NOD2: variants seen among roughly 807,000 people sequenced by gnomAD.
NOD2 encodes the protein nucleotide-binding oligomerization domain-containing protein 2.
Under a neutral mutation model 90.9 loss-of-function variants are expected in NOD2, and 86 were observed. That is an observed-to-expected ratio of 0.95 (90% CI 0.79 to 1.13). NOD2 has a LOEUF of 1.13. NOD2 is among the 50% of genes most tolerant of loss of function. The probability of loss-of-function intolerance (pLI) is 0.00; values close to 1 mark genes in which losing one functional copy is unlikely to be tolerated. For synonymous variants in NOD2, 581 were observed against 554.6 expected (o/e 1.05, Z -0.67); for missense variants, 1,238 against 1,283.8 (o/e 0.96, Z 0.55).
intron 2 of NOD2, among the ~76,000 whole-genome samples, chr16:50,702,301 T>C (rs190942390): frequency 1.8e-4 from 28 of 152,300 alleles, no homozygotes; most frequent in Admixed American, 1.6e-3. Flanking sequence ...AAAGCAAACA[T>C]TGAAGGTTGG....
chr16:50,695,008 T>C (rs756920205), intron 1 of NOD2, among the ~76,000 whole-genome samples: 1 of 151,802 alleles, frequency 6.6e-6, no homozygotes, highest in Non-Finnish European at 1.5e-5. Context: ...CATAAGGAAT[T>C]GAGGGGTGAG....
At chr16:50,719,901 A>T in intron 6 of NOD2, 24 bp from the exon 7 acceptor site, 4 of 1,609,418 alleles carry the variant, frequency 2.5e-6, no homozygotes, top group Non-Finnish European at 3.4e-6. Context: ...GTGTTCTCTC[A>T]GCCTCCTCTG....
chr16:50,697,534 T>A (rs1963713136), intron 1 of NOD2: 1 of 642,496 alleles, frequency 1.6e-6, no homozygotes, highest in African/African-American at 1.8e-5. Context: ...TTTCCACAGC[T>A]GAGAACCACT....
intron 2 of NOD2, among the ~76,000 whole-genome samples, chr16:50,707,222 A>G (rs1248584769): frequency 6.6e-6 from 1 of 152,214 alleles, no homozygotes; most frequent in Non-Finnish European, 1.5e-5. Context: ...AGGTGGAGTC[A>G]ACAGGATTTG....
At chr16:50,726,058 G>A (rs1007127160) in intron 10 of NOD2, among the ~76,000 whole-genome samples, 2 of 152,148 alleles carry the variant, frequency 1.3e-5, no homozygotes, top group African/African-American at 2.4e-5. Context: ...ATGGCCTCAG[G>A]CAGAGAGTGG....
At chr16:50,727,868 GC>G in intron 10 of NOD2, 1 of 352,256 alleles carries the variant, frequency 2.8e-6, no homozygotes, top group Non-Finnish European at 5.6e-6. Flanking sequence ...GATCAGACTA[GC>G]AGCAGACCAC....
At chr16:50,700,614 A>G (rs991519493) in intron 2 of NOD2, among the ~76,000 whole-genome samples, 1 of 152,210 alleles carries the variant, frequency 6.6e-6, no homozygotes, top group African/African-American at 2.4e-5. Flanking sequence ...TGCCTATCCT[A>G]TAAGGCTCTT....
intron 6 of NOD2, among the ~76,000 whole-genome samples, chr16:50,717,884 C>T (rs1806341190): frequency 6.6e-6 from 1 of 152,222 alleles, no homozygotes; most frequent in African/African-American, 2.4e-5. Flanking sequence ...CCGGTATGTG[C>T]AGGAGAGATG....
At chr16:50,722,593 C>A in intron 7 of NOD2, 29 bp from the exon 8 acceptor site, 1 of 1,603,002 alleles carries the variant, frequency 6.2e-7, no homozygotes, top group Non-Finnish European at 8.5e-7. Flanking sequence ...CTCACTGACA[C>A]TGTCTGTTGA....
intron 2 of NOD2, among the ~76,000 whole-genome samples, chr16:50,701,911 T>C (rs1433249542): frequency 6.6e-6 from 1 of 152,182 alleles, no homozygotes; most frequent in Non-Finnish European, 1.5e-5. Flanking sequence ...GTGCCTAGAT[T>C]AGGAAAGAAG....
Position 50,723,281 on chromosome 16 carries a change from T to C in NOD2, c.2718-20T>C. ...GTCTTTCCCTGCTCTGACATACTTT[T>C]GTTCCATGATTACCTCCAGCCTGGT... is the stretch of plus-strand genomic sequence containing the variant. On this transcript the variant is annotated intron_variant, in intron 8 of 11. Coordinates refer to ENST00000647318, the MANE Select transcript of NOD2 (RefSeq NM_001370466.1). 1.9e-6 allele frequency: 3 copies of C among 1,612,242 alleles called. No homozygotes were observed. Among genetic ancestry groups the C allele is most frequent in the Non-Finnish European group, 2.5e-6 (3 of 1,178,816 alleles).
At chr16:50,726,358 G>GAGAC (rs377623753) in intron 10 of NOD2, among the ~76,000 whole-genome samples, 4 of 152,318 alleles carry the variant, frequency 2.6e-5, no homozygotes, top group African/African-American at 4.8e-5. Context: ...CTTGCCTTTA[G>GAGAC]AGACAGACAG....
intron 9 of NOD2, among the ~76,000 whole-genome samples, chr16:50,723,820 T>C (rs1965172007): frequency 6.6e-6 from 1 of 152,186 alleles, no homozygotes; most frequent in African/African-American, 2.4e-5. Flanking sequence ...GCCTGGCATA[T>C]TTGTAAGTGC....
At chr16:50,716,784 G>A (rs143794185) in intron 5 of NOD2, 107 bp from the exon 6 acceptor site, 1 of 1,450,798 alleles carries the variant, frequency 6.9e-7, no homozygotes, top group South Asian at 1.1e-5. Flanking sequence ...TTGCATGATG[G>A]GGGGTGCAGG....
intron 4 of NOD2, among the ~76,000 whole-genome samples, chr16:50,714,324 G>A (rs867470101): frequency 6.6e-6 from 1 of 152,136 alleles, no homozygotes; most frequent in Non-Finnish European, 1.5e-5. Flanking sequence ...GTGTGTAAAG[G>A]CACTCGTGGC....
chr16:50,714,978 C>G (rs1964717613), intron 4 of NOD2, among the ~76,000 whole-genome samples: 1 of 152,204 alleles, frequency 6.6e-6, no homozygotes, highest in Admixed American at 6.5e-5. Flanking sequence ...ACACTCTGCT[C>G]TCTTCTGTTC....
At chr16:50,706,077 T>C (rs1383121708) in intron 2 of NOD2, among the ~76,000 whole-genome samples, 1 of 152,076 alleles carries the variant, frequency 6.6e-6, no homozygotes, top group African/African-American at 2.4e-5. Flanking sequence ...GAAGGTGAAA[T>C]TCAAGTAAAG....
rs1459767549 is a variant in NOD2, at chr16:50,723,403, C to G, written c.2801+19C>G. 2 of 1,609,098 alleles carry G rather than the reference C, an allele frequency of 1.2e-6. No homozygotes were observed. Among genetic ancestry groups the G allele is most frequent in the Non-Finnish European group, 1.7e-6 (2 of 1,175,770 alleles). On this transcript the variant is annotated intron_variant, in intron 9 of 11. Transcript: ENST00000647318. ...AACTCTGGTGAGTTTGGGGGATTCT[C>G]TGCTCTGGGGAAGTGGATCACAATC...
At chr16:50,704,385 G>A (rs992873391) in intron 2 of NOD2, among the ~76,000 whole-genome samples, 14 of 152,222 alleles carry the variant, frequency 9.2e-5, no homozygotes, top group Non-Finnish European at 1.9e-4. Flanking sequence ...AATTTCTGAG[G>A]TCTCACATGT....
Sources: gnomAD v4.1 joint callset for allele counts (sites outside exome capture counted in the v4.1 genomes callset) on GRCh38, gnomAD v4.1.1 for gene constraint, MANE v1.5 for transcripts, NCBI Gene and HGNC (gene_info 2026-07-23, HGNC 2026-07-21) for gene names.